THSD1: variants seen among roughly 807,000 people sequenced by gnomAD.
THSD1 encodes thrombospondin type 1 domain containing 1.
Under a neutral mutation model 46.3 loss-of-function variants are expected in THSD1, and 34 were observed. The ratio of observed to expected loss-of-function variants is 0.74; its 90% CI spans 0.56 to 0.98. The LOEUF (loss-of-function observed/expected upper bound fraction) is 0.98, where lower values mean the gene tolerates loss of function less well. Ranked by LOEUF, THSD1 falls within the 50% of genes least tolerant of loss-of-function variation. The pLI, the probability that THSD1 is intolerant of heterozygous loss-of-function variation, is 0.00. For synonymous variants in THSD1, 407 were observed against 416.5 expected (o/e 0.98, Z 0.28); for missense variants, 1,023 against 1,058.3 (o/e 0.97, Z 0.46).
intron 4 of THSD1, among the ~76,000 whole-genome samples, chr13:52,384,780 G>A (rs896142322): frequency 3.3e-5 from 5 of 152,248 alleles, no homozygotes; most frequent in African/African-American, 4.8e-5. Flanking sequence ...TATACACAAG[G>A]AAGGTGCTGT....
At position 52,378,056 on chromosome 13, in the gene THSD1, G is replaced by A. The variant is rs1311530971; in HGVS notation, c.1914C>T (p.Gly638=). ...SQARHVGSRG[G]PSERSHARNA... Reference sequence around the variant, plus strand: ...TCCTGGCATGGCTCCTTTCGGACGGGCCCCCTCTGCTGCCCACGTGCCTTG... The same window carrying A: ...TCCTGGCATGGCTCCTTTCGGACGGACCCCCTCTGCTGCCCACGTGCCTTG... Residue 638 remains glycine (G), a synonymous_variant, in exon 5 of 5, where the codon GGC becomes GGT. Transcript: ENST00000258613. The A allele has an allele frequency of 6.2e-7, 1 of 1,614,124 alleles. No individual in the cohort carries two copies.
chr13:52,392,862 G>A (rs1188588696), intron 3 of THSD1, among the ~76,000 whole-genome samples: 1 of 152,230 alleles, frequency 6.6e-6, no homozygotes, highest in Non-Finnish European at 1.5e-5. Context: ...GATTTTCTTT[G>A]CATAGACAAG....
chr13:52,378,181 C>G lies in THSD1; in HGVS notation c.1789G>C (p.Val597Leu). 6.2e-7 allele frequency: 1 copy of G among 1,614,210 alleles called. No homozygotes were observed. The change falls in exon 5 of 5, where the codon GTC becomes CTC. Residue 597 changes from valine to leucine, a missense_variant. Transcript: ENST00000258613. ...IKSPFPEQPAVSAGERPPSRL... is the reference protein window; with the variant it reads ...IKSPFPEQPALSAGERPPSRL... The stretch of plus-strand genomic sequence containing the variant: ...GAGGGAGGCCTTTCCCCGGCACTGA[C>G]CGCGGGCTGCTCCGGAAATGGGGAT...
chr13:52,394,379 C>A (rs1039381237), intron 3 of THSD1, among the ~76,000 whole-genome samples: 2 of 152,006 alleles, frequency 1.3e-5, no homozygotes, highest in Admixed American at 6.6e-5. Context: ...TTTGGGAGGC[C>A]GAGGCAGGTG....
chr13:52,398,617 G>C (rs905286247), intron 2 of THSD1: 1 of 985,196 alleles, frequency 1.0e-6, no homozygotes, highest in African/African-American at 1.7e-5. Flanking sequence ...ACAGATCCTG[G>C]AAGCTGGCCA....
At chr13:52,401,058 T>G (rs977153222) in intron 2 of THSD1, among the ~76,000 whole-genome samples, 1 of 152,122 alleles carries the variant, frequency 6.6e-6, no homozygotes, top group African/African-American at 2.4e-5. Flanking sequence ...CACCACAACC[T>G]CCGCCTCCCG....
At chr13:52,393,188 A>G (rs1249974572) in intron 3 of THSD1, among the ~76,000 whole-genome samples, 1 of 152,144 alleles carries the variant, frequency 6.6e-6, no homozygotes, top group African/African-American at 2.4e-5. Context: ...CCATTTCATC[A>G]CCTATAAAAT....
At chr13:52,402,461 A>C in intron 2 of THSD1, 82 bp downstream of exon 2, 2 of 1,370,106 alleles carry the variant, frequency 1.5e-6, no homozygotes, top group Admixed American at 3.4e-5. Context: ...CTTCAGGAAG[A>C]GTCATCAACA....
At chr13:52,400,312 T>C (rs780941429) in intron 2 of THSD1, among the ~76,000 whole-genome samples, 29 of 152,056 alleles carry the variant, frequency 1.9e-4, no homozygotes, top group Non-Finnish European at 4.0e-4. Context: ...AAAACTACAA[T>C]TTGGGCCAGG....
chr13:52,391,901 T>G (rs1242569662), intron 3 of THSD1, among the ~76,000 whole-genome samples: 6 of 151,062 alleles, frequency 4.0e-5, no homozygotes, highest in African/African-American at 1.5e-4. Flanking sequence ...CCCTTGAAAG[T>G]AAAATCATAG....
chr13:52,397,810 C>A lies in THSD1; in HGVS notation c.443G>T (p.Gly148Val), dbSNP rs773263302. The change falls in exon 3 of 5, where the codon GGC (glycine) becomes GTC (valine). Residue 148 changes from glycine to valine, a missense_variant. By Grantham distance (109) the Gly-to-Val change is moderately radical. This residue lies in a region of THSD1 where 429 missense variants were observed against 518.3 expected (regional missense o/e 0.83). Coordinates refer to ENST00000258613, the MANE Select transcript of THSD1 (RefSeq NM_018676.4). ...AKAAEGTFQV[G>V]LFTSQPLCPF... ...GCACAGTGGTTGACTGGTAAATAGG[C>A]CCACTTGGAAGGTGCCTTCTGCTGC... 5.0e-6 allele frequency: 8 copies of A among 1,614,096 alleles called. No homozygotes were observed. Among genetic ancestry groups the A allele is most frequent in the Admixed American group, 1.7e-5 (1 of 60,012 alleles).
At chr13:52,387,210 C>T (rs1157015922) in intron 3 of THSD1, among the ~76,000 whole-genome samples, 1 of 152,226 alleles carries the variant, frequency 6.6e-6, no homozygotes, top group Non-Finnish European at 1.5e-5. Context: ...TCATGCAATG[C>T]CTTCCCTAAA....
intron 1 of THSD1, among the ~76,000 whole-genome samples, chr13:52,405,343 C>G (rs747149629): frequency 6.6e-6 from 1 of 152,168 alleles, no homozygotes; most frequent in Non-Finnish European, 1.5e-5. Context: ...TCCATGGGAC[C>G]AATGATTCGT....
chr13:52,398,279 A>AT (rs375167002), intron 2 of THSD1, 85 bp from the exon 3 acceptor site: 294 of 1,507,520 alleles, frequency 2.0e-4, no homozygotes, highest in East Asian at 3.9e-4. Context: ...GAATTTTTAA[A>AT]TTTTTTTTTG....
rs141269153 is a variant in THSD1 at position 52,397,323 on chromosome 13, C to T, written c.930G>A (p.Met310Ile). Residue 310 changes from methionine to isoleucine, a missense_variant, in exon 3 of 5, where the codon ATG becomes ATA. Coordinates refer to ENST00000258613, the MANE Select transcript of THSD1 (RefSeq NM_018676.4). Reference sequence around the variant, plus strand: ...AGTCAAAGCAGTACTTATTCTTCCCCATGTCAAACAAAGTACAGTTAAAAA... The same window carrying T: ...AGTCAAAGCAGTACTTATTCTTCCCTATGTCAAACAAAGTACAGTTAAAAA... The part of the protein sequence containing the change: ...RTIFNCTLFD[M>I]GKNKYCFDFG... The T allele has an allele frequency of 1.9e-6, 3 of 1,613,936 alleles. No individual in the cohort carries two copies. The highest frequency in any genetic ancestry group is 1.7e-6 in the Non-Finnish European group (2 of 1,180,014).
chr13:52,385,370 G>T (rs1957723013), intron 4 of THSD1, among the ~76,000 whole-genome samples: 1 of 152,186 alleles, frequency 6.6e-6, no homozygotes, highest in Admixed American at 6.5e-5. Context: ...AGCTCCACAA[G>T]CTGGGGCAAA....
Position 52,377,813 on chromosome 13 carries a change from A to G in THSD1, c.2157T>C (p.Arg719=). The G allele has an allele frequency of 6.2e-7, 1 of 1,614,190 alleles. No homozygotes were observed. The highest frequency in any genetic ancestry group is 8.5e-7 in the Non-Finnish European group (1 of 1,180,046). The change falls in exon 5 of 5, where the codon CGT becomes CGC. Residue 719 remains arginine, a synonymous_variant. Coordinates refer to ENST00000258613, the MANE Select transcript of THSD1 (RefSeq NM_018676.4). The part of the protein sequence containing the change: ...LEHFQEASGT[R]GPLNPLPKSY... ...ATTTAGGGAGAGGGTTTAATGGACC[A>G]CGGGTTCCACTTGCCTCTTGGAAAT...
Position 52,377,842 on chromosome 13 carries a change from C to T in THSD1, c.2128G>A (p.Glu710Lys). 1.2e-6 allele frequency: 2 copies of T among 1,614,164 alleles called. No individual in the cohort carries two copies. Among genetic ancestry groups the T allele is most frequent in the Non-Finnish European group, 1.7e-6 (2 of 1,180,032 alleles). ...RGAHLFPEKL[E>K]HFQEASGTRG... ...GTTCCACTTGCCTCTTGGAAATGCTCCAGTTTTTCAGGAAACAGGTGGGCA... is the reference window on the plus strand; with the variant it reads ...GTTCCACTTGCCTCTTGGAAATGCTTCAGTTTTTCAGGAAACAGGTGGGCA... The change falls in exon 5 of 5, where the codon GAG becomes AAG. Residue 710 changes from glutamate to lysine, a missense_variant. Coordinates refer to ENST00000258613, the MANE Select transcript of THSD1 (RefSeq NM_018676.4).
Position 52,397,749 on chromosome 13 carries a change from A to T in THSD1, c.504T>A (p.Asp168Glu), listed in dbSNP as rs753386759. 2 of 1,614,214 alleles carry T rather than the reference A, an allele frequency of 1.2e-6. No individual in the cohort carries two copies. The highest frequency in any genetic ancestry group is 2.2e-5 in the South Asian group (2 of 91,084). ...CAGGAAGACTGTTGGTGAAGATGAC[A>T]TCCACTACGATGTTGGGCTTGTCCA... ...FPVDKPNIVV[D>E]VIFTNSLPEA... The change falls in exon 3 of 5, where the codon GAT (aspartate) becomes GAA (glutamate). Residue 168 changes from aspartate to glutamate, a missense_variant. Coordinates refer to ENST00000258613, the MANE Select transcript of THSD1 (RefSeq NM_018676.4).
Sources: allele counts gnomAD v4.1 joint callset (sites outside exome capture counted in the v4.1 genomes callset), GRCh38; gene constraint gnomAD v4.1.1; regional missense constraint gnomAD v4.1.1; transcripts MANE v1.5; gene names NCBI Gene and HGNC (gene_info 2026-07-23, HGNC 2026-07-21).